Variants in PIEZO2 observed in about 807,000 individuals in gnomAD.
PIEZO2 encodes piezo type mechanosensitive ion channel component 2.
Under a neutral mutation model 337.3 loss-of-function variants are expected in PIEZO2, and 172 were observed. That is an observed-to-expected ratio of 0.51 (90% CI 0.45 to 0.58). The LOEUF (loss-of-function observed/expected upper bound fraction) is 0.58, where lower values mean the gene tolerates loss of function less well. Ranked by LOEUF, PIEZO2 falls within the 20% of genes least tolerant of loss-of-function variation. The probability of loss-of-function intolerance (pLI) is 0.00; values close to 1 mark genes in which losing one functional copy is unlikely to be tolerated. For synonymous variants in PIEZO2, 1,251 were observed against 1,228.5 expected, an observed-to-expected ratio of 1.02 and a Z score of -0.38; for missense variants, 3,028 against 3,391.3, an observed-to-expected ratio of 0.89 and a Z score of 2.66.
At chr18:10,688,182 G>C (rs2034639183) in intron 49 of PIEZO2, among the ~76,000 whole-genome samples, 1 of 152,004 alleles carries the variant, frequency 6.6e-6, no homozygotes, top group Non-Finnish European at 1.5e-5. Context: ...ACAGGCCCTG[G>C]TGTGTGATGT....
intron 1 of PIEZO2, among the ~76,000 whole-genome samples, chr18:11,123,569 G>A (rs1193162876): frequency 6.6e-6 from 1 of 152,142 alleles, no homozygotes; most frequent in East Asian, 1.9e-4. Context: ...AGCACTTTGG[G>A]AGGCCGAGGC....
intron 7 of PIEZO2, among the ~76,000 whole-genome samples, chr18:10,841,267 T>A (rs1390115364): frequency 6.6e-6 from 1 of 151,910 alleles, no homozygotes; most frequent in Admixed American, 6.6e-5. Context: ...AACAAGATAA[T>A]CCCTAAAATT....
At position 10,759,991 on chromosome 18, in the gene PIEZO2, G is replaced by T; in HGVS notation, c.3451-82C>A. On this transcript the variant is annotated intron_variant, in intron 24 of 55. Transcript: ENST00000674853. The surrounding 1 kb of genome is among the most constrained non-coding windows in gnomAD (Gnocchi z 5.5). Reference sequence around the variant, plus strand: ...TGGTGATAGGTGTCAGGTCTGTGTAGATGGCGGAGACCCATGTCCCTCAGG... The same window carrying T: ...TGGTGATAGGTGTCAGGTCTGTGTATATGGCGGAGACCCATGTCCCTCAGG... 7.9e-7 allele frequency: 1 copy of T among 1,258,338 alleles called. No homozygotes were observed. Among genetic ancestry groups the T allele is most frequent in the Non-Finnish European group, 1.1e-6 (1 of 902,638 alleles). The allele number at this position is 1,258,338 out of a possible 1,614,324, so 77.9% of individuals were successfully genotyped here. A position where few individuals can be genotyped will look rare whatever the true frequency, so the allele number is the denominator to read the frequency against.
At chr18:11,086,536 C>A (rs965044718) in intron 1 of PIEZO2, among the ~76,000 whole-genome samples, 3 of 151,884 alleles carry the variant, frequency 2.0e-5, no homozygotes, top group Admixed American at 1.3e-4. Context: ...AAAAAAGGTT[C>A]TTTAAGTCTC....
At chr18:11,137,567 C>T (rs979202312) in intron 1 of PIEZO2, among the ~76,000 whole-genome samples, 1 of 152,178 alleles carries the variant, frequency 6.6e-6, no homozygotes, top group African/African-American at 2.4e-5. Context: ...GACCTTCAAA[C>T]CTGGGCCCTT....
At chr18:11,106,237 C>A (rs1021409632) in intron 1 of PIEZO2, among the ~76,000 whole-genome samples, 2 of 151,298 alleles carry the variant, frequency 1.3e-5, no homozygotes, top group African/African-American at 4.9e-5. Context: ...CAGGCGCCCA[C>A]CACCACGCCC....
At position 10,697,718 on chromosome 18, in the gene PIEZO2, C is replaced by A. The variant is rs773018874; in HGVS notation, c.6827+30G>T. 12 of 1,607,432 alleles carry A rather than the reference C, an allele frequency of 7.5e-6. No homozygotes were observed. In the South Asian group the frequency reaches 1.3e-4, roughly 18 times the overall value. ...TAAAGCCCAAAACCCTACAATAAAG[C>A]ACACATGCCATATGTTCTCATGGAC... On this transcript the variant is annotated intron_variant, in intron 45 of 55. Coordinates refer to ENST00000674853, the MANE Select transcript of PIEZO2 (RefSeq NM_001378183.1).
At chr18:11,117,695 T>C (rs545977105) in intron 1 of PIEZO2, among the ~76,000 whole-genome samples, 31 of 152,356 alleles carry the variant, frequency 2.0e-4, no homozygotes, top group Admixed American at 1.5e-3. Context: ...GATCAAAACG[T>C]GGCCTCTATT....
Position 10,698,791 on chromosome 18 carries a change from C to T in PIEZO2, c.6694+134G>A, listed in dbSNP as rs537784287. 1.3e-4 allele frequency: 151 copies of T among 1,194,560 alleles called. 2 individuals carry two copies. In the Middle Eastern group the frequency reaches 2.6e-3, roughly 20 times the overall value. The allele number at this position is 1,194,560 out of a possible 1,614,324, so 74.0% of individuals were successfully genotyped here. ...ACTCGGGTTTCTCTGATTTCAAAGC[C>T]CTTTCTTTTCACATAACAATGTCTG... On this transcript the variant is annotated intron_variant, in intron 44 of 55. Coordinates refer to ENST00000674853, the MANE Select transcript of PIEZO2 (RefSeq NM_001378183.1).
At chr18:10,905,765 A>T (rs1170027877) in intron 4 of PIEZO2, among the ~76,000 whole-genome samples, 1 of 151,978 alleles carries the variant, frequency 6.6e-6, no homozygotes. Context: ...TTCTCTCTTG[A>T]CTTTTTCCTA....
intron 27 of PIEZO2, among the ~76,000 whole-genome samples, chr18:10,757,498 G>C (rs1341326984): frequency 3.3e-5 from 1 of 30,546 alleles, no homozygotes; most frequent in South Asian, 7.1e-4. Flanking sequence ...AGGATGAGTA[G>C]GAGAGACAGA....
chr18:10,759,115 T>C lies in PIEZO2; in HGVS notation c.3757+367A>G, dbSNP rs2038011623. On this transcript the variant is annotated intron_variant, in intron 26 of 55. Transcript: ENST00000674853. This position sits in a 1 kb window ranked among gnomAD's most constrained non-coding sequence, Gnocchi z 5.5. The stretch of plus-strand genomic sequence containing the variant: ...TCCACTGTCCCATGTTCAGGGTTTA[T>C]TTATCTGCACTGGGAGCCAGAAACC... Among the ~76,000 whole-genome samples the C allele has an allele frequency of 6.6e-6, 1 of 152,178 alleles. No individual in the cohort carries two copies. Among genetic ancestry groups the C allele is most frequent in the Non-Finnish European group, 1.5e-5 (1 of 68,038 alleles).
intron 42 of PIEZO2, among the ~76,000 whole-genome samples, chr18:10,703,255 A>G (rs1193683163): frequency 6.6e-6 from 1 of 152,176 alleles, no homozygotes; most frequent in East Asian, 1.9e-4. Flanking sequence ...ATGTACTCAC[A>G]TTGTTATAGA....
chr18:11,135,437 T>G (rs1358250933), intron 1 of PIEZO2, among the ~76,000 whole-genome samples: 2 of 152,128 alleles, frequency 1.3e-5, no homozygotes. Flanking sequence ...AAAGACAAAA[T>G]CACCAGTGGG....
At chr18:10,987,287 C>T (rs1200295643) in intron 2 of PIEZO2, among the ~76,000 whole-genome samples, 2 of 152,104 alleles carry the variant, frequency 1.3e-5, no homozygotes, top group Non-Finnish European at 2.9e-5. Context: ...CTGGAAGCAT[C>T]ACACTTTCTG....
intron 12 of PIEZO2, among the ~76,000 whole-genome samples, chr18:10,796,087 G>C (rs952638628): frequency 6.6e-6 from 1 of 152,046 alleles, no homozygotes; most frequent in Non-Finnish European, 1.5e-5. Context: ...GCTGCTGGCC[G>C]GGCTTGGTGA....
chr18:10,727,130 G>C lies in PIEZO2; in HGVS notation c.5029+4277C>G. On this transcript the variant is annotated intron_variant, in intron 36 of 55. Coordinates refer to ENST00000674853, the MANE Select transcript of PIEZO2 (RefSeq NM_001378183.1). The surrounding 1 kb of genome is among the most constrained non-coding windows in gnomAD (Gnocchi z 6.3). The stretch of plus-strand genomic sequence containing the variant: ...TCCCTTGCTAGCCTCCCTGGGGCCT[G>C]GGGATCTGCAGCAGCATGTCTGGCA... 1 of 446,022 alleles carries C rather than the reference G, an allele frequency of 2.2e-6. No individual in the cohort carries two copies. Among genetic ancestry groups the C allele is most frequent in the Non-Finnish European group, 3.9e-6 (1 of 256,220 alleles). 27.6% of individuals were successfully genotyped at this position (446,022 alleles called of 1,614,324 possible).
At chr18:10,782,065 T>TA (rs1026998439) in intron 17 of PIEZO2, among the ~76,000 whole-genome samples, 4 of 148,152 alleles carry the variant, frequency 2.7e-5, no homozygotes, top group Admixed American at 6.9e-5. Context: ...GAAGAGTTGC[T>TA]AAAAATATAT....
intron 16 of PIEZO2, among the ~76,000 whole-genome samples, chr18:10,785,515 G>C (rs1264643276): frequency 6.6e-6 from 1 of 152,202 alleles, no homozygotes; most frequent in Non-Finnish European, 1.5e-5. Flanking sequence ...TTCCAAAACA[G>C]TATTCTTGAT....
Sources: gnomAD v4.1 joint callset for allele counts (sites outside exome capture counted in the v4.1 genomes callset) on GRCh38, gnomAD v4.1.1 for gene constraint, Gnocchi (gnomAD v3.1) non-coding constraint, MANE v1.5 for transcripts, NCBI Gene and HGNC (gene_info 2026-07-23, HGNC 2026-07-21) for gene names.